The following MYPN variants were observed in gnomAD, a reference collection of about 807,000 sequenced individuals.
MYPN encodes sarcomeric protein myopalladin, 145 kDa (MYOP).
Under a neutral mutation model 129.4 loss-of-function variants are expected in MYPN, and 63 were observed. That is an observed-to-expected ratio of 0.49 (90% CI 0.40 to 0.60). The LOEUF (loss-of-function observed/expected upper bound fraction) is 0.60, where lower values mean the gene tolerates loss of function less well. Ranked by LOEUF, MYPN falls within the 20% of genes least tolerant of loss-of-function variation. MYPN has a pLI of 0.00. For missense variants in MYPN, 1,596 were observed against 1,635.4 expected, an observed-to-expected ratio of 0.98 and a Z score of 0.42; for synonymous variants, 629 against 600.9, an observed-to-expected ratio of 1.05 and a Z score of -0.68.
rs748821156 is a variant in MYPN, at chr10:68,166,604, A to T, written c.1911A>T (p.Thr637=). Residue 637 remains threonine, a synonymous_variant, in exon 10 of 20, where the codon ACA becomes ACT. Coordinates refer to ENST00000358913, the MANE Select transcript of MYPN (RefSeq NM_032578.4). ...AGGAGAGGTTCAACGGACAGGCAAC[A>T]AAAACCCCAGAGCCTTCTTCCCCCG... The part of the protein sequence containing the change: ...SFQERFNGQA[T]KTPEPSSPVK... 1 of 1,612,962 alleles carries T rather than the reference A, an allele frequency of 6.2e-7. No homozygotes were observed.
chr10:68,151,742 T>C (rs534293493), intron 6 of MYPN, among the ~76,000 whole-genome samples: 15 of 152,220 alleles, frequency 9.9e-5, no homozygotes, highest in Non-Finnish European at 1.9e-4. Context: ...CTCAACTCCA[T>C]CTGCCTAGAC....
At chr10:68,204,725 CAAAAAAAA>C (rs33973275) in intron 18 of MYPN, among the ~76,000 whole-genome samples, 7 of 89,348 alleles carry the variant, frequency 7.8e-5, no homozygotes, top group Admixed American at 5.3e-4. Flanking sequence ...GACTCTGTCT[CAAAAAAAA>C]AAAAAAAAAA....
intron 12 of MYPN, among the ~76,000 whole-genome samples, chr10:68,187,185 A>G (rs1415195672): frequency 6.6e-6 from 1 of 152,000 alleles, no homozygotes; most frequent in Non-Finnish European, 1.5e-5. Flanking sequence ...CAGCCTGGCT[A>G]ACATGGTGAA....
chr10:68,099,696 A>G (rs965698455), intron 1 of MYPN, among the ~76,000 whole-genome samples: 1 of 152,146 alleles, frequency 6.6e-6, no homozygotes, highest in African/African-American at 2.4e-5. Context: ...AGAATTGCTT[A>G]TTATGTATTG....
At chr10:68,171,336 G>A (rs564825377) in intron 10 of MYPN, among the ~76,000 whole-genome samples, 10 of 152,228 alleles carry the variant, frequency 6.6e-5, no homozygotes, top group African/African-American at 2.2e-4. Context: ...TTTCTTTAGG[G>A]CAGCAGTTCT....
chr10:68,087,990 C>T (rs1397406850), exon 1 of MYPN, among the ~76,000 whole-genome samples: 1 of 152,168 alleles, frequency 6.6e-6, no homozygotes, highest in Non-Finnish European at 1.5e-5. Flanking sequence ...CTGTTTGTGC[C>T]AGGTAAGGTC....
At chr10:68,141,096 C>T (rs183810595) in intron 2 of MYPN, among the ~76,000 whole-genome samples, 8 of 151,210 alleles carry the variant, frequency 5.3e-5, no homozygotes, top group South Asian at 4.2e-4. Context: ...AAGGGCCAGG[C>T]GCAGTGGCTC....
intron 2 of MYPN, among the ~76,000 whole-genome samples, chr10:68,139,515 G>A (rs2042540691): frequency 6.6e-6 from 1 of 152,094 alleles, no homozygotes; most frequent in South Asian, 2.1e-4. Context: ...TTTCAGGAGG[G>A]GAGTAAAGAT....
intron 12 of MYPN, among the ~76,000 whole-genome samples, chr10:68,178,195 A>G (rs2043257747): frequency 6.6e-6 from 1 of 152,258 alleles, no homozygotes; most frequent in South Asian, 2.1e-4. Context: ...AGAAGGTGCC[A>G]TCCTTTCAGA....
chr10:68,119,981 G>A (rs1053498288), intron 1 of MYPN, among the ~76,000 whole-genome samples: 5 of 152,204 alleles, frequency 3.3e-5, no homozygotes, highest in Non-Finnish European at 5.9e-5. Flanking sequence ...TGTCATATAA[G>A]AGAATGGAAA....
chr10:68,195,701 T>C (rs2043593697), intron 15 of MYPN, among the ~76,000 whole-genome samples, 169 bp downstream of exon 15: 3 of 152,312 alleles, frequency 2.0e-5, no homozygotes, highest in Middle Eastern at 3.4e-3. Flanking sequence ...GGCCCCACTC[T>C]GGATCTACTG....
At chr10:68,096,148 A>T (rs1217153141) in intron 1 of MYPN, among the ~76,000 whole-genome samples, 1 of 152,238 alleles carries the variant, frequency 6.6e-6, no homozygotes, top group Non-Finnish European at 1.5e-5. Context: ...CATCCTATTT[A>T]TGGGGACAAG....
Position 68,211,062 on chromosome 10 carries a change from T to A in MYPN, c.*607T>A, listed in dbSNP as rs1035342681. 1 of 453,950 alleles carries A rather than the reference T, an allele frequency of 2.2e-6. No individual in the cohort carries two copies. Among genetic ancestry groups the A allele is most frequent in the African/African-American group, 2.0e-5 (1 of 49,994 alleles). 28.1% of individuals were successfully genotyped at this position (453,950 alleles called of 1,614,324 possible). On this transcript the variant is annotated 3_prime_UTR_variant, in exon 20 of 20. Transcript: ENST00000358913. ...ACATAATAAGGTGTCAAAATGTGCT[T>A]GAGATTCCAAAAACTTGCTGAAACA...
intron 12 of MYPN, 116 bp from the exon 13 acceptor site, chr10:68,188,789 G>A (rs2043461924): frequency 3.5e-6 from 3 of 851,754 alleles, no homozygotes; most frequent in Non-Finnish European, 3.9e-6. Context: ...TGGTTCATTT[G>A]GATTTCATGG....
chr10:68,170,588 T>C (rs1468394452), intron 10 of MYPN, among the ~76,000 whole-genome samples: 1 of 152,138 alleles, frequency 6.6e-6, no homozygotes, highest in Non-Finnish European at 1.5e-5. Context: ...TTGCTATTCA[T>C]ATGGAAAATA....
At position 68,163,522 on chromosome 10, in the gene MYPN, G is replaced by A. The variant is rs533369143; in HGVS notation, c.1483+1770G>A. Among the ~76,000 whole-genome samples the A allele has an allele frequency of 2.1e-4, 32 of 152,142 alleles. No individual in the cohort carries two copies. In the South Asian group the frequency reaches 6.0e-3, roughly 29 times the overall value. On this transcript the variant is annotated intron_variant, in intron 8 of 19. Coordinates refer to ENST00000358913, the MANE Select transcript of MYPN (RefSeq NM_032578.4). ...CGGATGCCTGTAATCCCAGCTACTC[G>A]GGAGGCTGAGGCGAGAGAATGGTGT...
chr10:68,158,149 C>T (rs2134135121), intron 6 of MYPN: 1 of 247,566 alleles, frequency 4.0e-6, no homozygotes, highest in East Asian at 9.4e-5. Context: ...GCTGATCAGG[C>T]TGGCTATGCG....
chr10:68,097,325 C>T (rs2041961561), intron 1 of MYPN, among the ~76,000 whole-genome samples: 2 of 152,124 alleles, frequency 1.3e-5, no homozygotes, highest in Admixed American at 1.3e-4. Context: ...AGGACTGAAT[C>T]AGTCTGGAAA....
At chr10:68,098,989 A>C (rs1476291989) in intron 1 of MYPN, among the ~76,000 whole-genome samples, 1 of 152,254 alleles carries the variant, frequency 6.6e-6, no homozygotes, top group Non-Finnish European at 1.5e-5. Context: ...ATATAAATTA[A>C]TCTGGTTCTC....
Sources: allele counts gnomAD v4.1 joint callset (sites outside exome capture counted in the v4.1 genomes callset), GRCh38; gene constraint gnomAD v4.1.1; transcripts MANE v1.5; gene names NCBI Gene and HGNC (gene_info 2026-07-23, HGNC 2026-07-21).